The following RIN2 variants were observed in gnomAD, a reference collection of about 807,000 sequenced individuals.
RIN2 encodes Ras and Rab interactor 2.
A neutral mutation model predicts 78.0 loss-of-function variants in RIN2; 36 were observed. The observed-to-expected ratio is 0.46, with a 90% CI of 0.35 to 0.61. The LOEUF (loss-of-function observed/expected upper bound fraction) is 0.61. Among genes scored for constraint, RIN2 ranks in the 20% least tolerant of loss-of-function variants. RIN2 has a pLI of 0.00. For missense variants in RIN2, 1,087 were observed against 1,159.7 expected, an observed-to-expected ratio of 0.94 and a Z score of 0.91; for synonymous variants, 466 against 466.8, an observed-to-expected ratio of 1.00 and a Z score of 0.02.
intron 1 of RIN2, among the ~76,000 whole-genome samples, chr20:19,783,044 G>A (rs1483285477): frequency 6.6e-6 from 1 of 152,154 alleles, no homozygotes; most frequent in Non-Finnish European, 1.5e-5. Flanking sequence ...AGCAGCGGCC[G>A]CCTATGGTCA....
chr20:19,893,272 A>G (rs1443631763), intron 3 of RIN2, among the ~76,000 whole-genome samples: 2 of 152,194 alleles, frequency 1.3e-5, no homozygotes, highest in African/African-American at 4.8e-5. Flanking sequence ...ACTTCTCAGC[A>G]GATACCAGTG....
intron 9 of RIN2, among the ~76,000 whole-genome samples, chr20:19,987,029 C>T (rs186328399): frequency 4.8e-4 from 73 of 152,324 alleles, no homozygotes; most frequent in East Asian, 3.9e-3. Context: ...TTCATATAAA[C>T]GAAATGCTGT....
chr20:19,773,112 G>A lies in RIN2; in HGVS notation c.-163+14785G>A, dbSNP rs533447842. Among the ~76,000 whole-genome samples the A allele has an allele frequency of 4.6e-5, 7 of 152,262 alleles. No homozygotes were observed. In the East Asian group the frequency reaches 5.8e-4, roughly 13 times the overall value. The stretch of plus-strand genomic sequence containing the variant: ...GGGAAGGAGCTGTTCCAGGCCTCCC[G>A]GCTTCTGGAAGCCTCAAGCATGCCT... On this transcript the variant is annotated intron_variant, in intron 1 of 12. Transcript: ENST00000255006.
rs563797189 is a variant in RIN2, at chr20:19,829,285, G to A, written c.-37+29538G>A. On this transcript the variant is annotated intron_variant, in intron 2 of 12. Coordinates refer to ENST00000255006, the MANE Select transcript of RIN2 (RefSeq NM_018993.4). ...TTATGGAAACCCAAAGTTGTATGGCGTGCTTGCAAATTGGATTAACTTATT... is the reference window on the plus strand; with the variant it reads ...TTATGGAAACCCAAAGTTGTATGGCATGCTTGCAAATTGGATTAACTTATT... Among the ~76,000 whole-genome samples the A allele has an allele frequency of 5.3e-5, 8 of 152,228 alleles. No individual in the cohort carries two copies. In the East Asian group the frequency reaches 5.8e-4, roughly 11 times the overall value.
At chr20:19,768,952 C>T (rs1274084616) in intron 1 of RIN2, among the ~76,000 whole-genome samples, 2 of 141,794 alleles carry the variant, frequency 1.4e-5, no homozygotes, top group African/African-American at 2.7e-5. Flanking sequence ...GACCGAGTCT[C>T]GCTCTGTCAC....
intron 1 of RIN2, among the ~76,000 whole-genome samples, chr20:19,796,100 G>A (rs892585018): frequency 1.3e-5 from 2 of 149,382 alleles, no homozygotes; most frequent in Non-Finnish European, 3.0e-5. Flanking sequence ...AAAAAGAAAA[G>A]AAAAGAAAAG....
intron 2 of RIN2, among the ~76,000 whole-genome samples, chr20:19,829,362 A>G (rs946572230): frequency 1.3e-5 from 2 of 152,146 alleles, no homozygotes; most frequent in South Asian, 2.1e-4. Flanking sequence ...AAAAAGAAAA[A>G]AAAATGGATT....
intron 3 of RIN2, among the ~76,000 whole-genome samples, chr20:19,933,810 G>T (rs1281004168): frequency 6.6e-6 from 1 of 152,052 alleles, no homozygotes; most frequent in African/African-American, 2.4e-5. Context: ...AATTATTATT[G>T]TTGTTGTTAT....
At chr20:19,869,538 CA>C (rs1410052923) in intron 2 of RIN2, among the ~76,000 whole-genome samples, 2 of 152,186 alleles carry the variant, frequency 1.3e-5, no homozygotes, top group African/African-American at 4.8e-5. Flanking sequence ...CATGCCACTC[CA>C]TGAAGCCTCC....
intron 3 of RIN2, among the ~76,000 whole-genome samples, chr20:19,913,742 T>A (rs927048765): frequency 6.6e-6 from 1 of 152,208 alleles, no homozygotes; most frequent in African/African-American, 2.4e-5. Context: ...TTTATCCTTT[T>A]TGTAGCATAT....
At chr20:19,820,888 T>C (rs1192063209) in intron 2 of RIN2, among the ~76,000 whole-genome samples, 1 of 152,216 alleles carries the variant, frequency 6.6e-6, no homozygotes, top group African/African-American at 2.4e-5. Flanking sequence ...ATTTGCTGAC[T>C]TCCATGCGGT....
intron 2 of RIN2, among the ~76,000 whole-genome samples, chr20:19,844,859 T>C (rs1176032901): frequency 1.3e-5 from 2 of 152,028 alleles, no homozygotes; most frequent in African/African-American, 4.8e-5. Context: ...ACATTAGGTA[T>C]TTCTGCTAAT....
rs75113125 is a variant in RIN2, at chr20:19,886,282, G to A, written c.-36-3284G>A. The stretch of plus-strand genomic sequence containing the variant: ...ATGGGTTGGGGAGCCAGCCTCCAGC[G>A]GTCTCACATAGCAGGCAGGCAGTGC... On this transcript the variant is annotated intron_variant, in intron 2 of 12. Coordinates refer to ENST00000255006, the MANE Select transcript of RIN2 (RefSeq NM_018993.4). 0.039 allele frequency among the ~76,000 whole-genome samples: 5,930 copies of A among 152,240 alleles called. 145 individuals carry two copies. Among genetic ancestry groups the A allele is most frequent in the South Asian group, 0.087 (417 of 4,816 alleles).
intron 1 of RIN2, among the ~76,000 whole-genome samples, chr20:19,758,644 G>T (rs2033487028): frequency 6.6e-6 from 1 of 152,208 alleles, no homozygotes; most frequent in South Asian, 2.1e-4. Context: ...GTGAGGGACA[G>T]CTGGAGGGTG....
In RIN2 at chr20:19,800,054, GGTTA is replaced by G. The variant is rs2035191592; in HGVS notation, c.-37+311_-37+314del. On this transcript the variant is annotated intron_variant, in intron 2 of 12. Coordinates refer to ENST00000255006, the MANE Select transcript of RIN2 (RefSeq NM_018993.4). ...AAGCACAGCTTTAAGCACTTTAATG[GGTTA>G]GTTCATTCAATTATCACAACACCAC... Among the ~76,000 whole-genome samples, 5 of 152,222 alleles carry G rather than the reference GGTTA, an allele frequency of 3.3e-5. No homozygotes were observed. The East Asian group carries it at 9.7e-4, about 29-fold the overall frequency.
At chr20:19,980,044 C>CAACAA (rs2042396588) in intron 9 of RIN2, among the ~76,000 whole-genome samples, 1 of 72,704 alleles carries the variant, frequency 1.4e-5, no homozygotes, top group East Asian at 4.1e-4. Flanking sequence ...AACTCCATCT[C>CAACAA]AAAAAAAAAA....
chr20:19,982,207 A>G (rs547581423), intron 9 of RIN2, among the ~76,000 whole-genome samples: 1 of 152,228 alleles, frequency 6.6e-6, no homozygotes, highest in East Asian at 1.9e-4. Flanking sequence ...CCTGGTGGAG[A>G]CGCCACCCAG....
chr20:19,912,405 G>A (rs1049430862), intron 3 of RIN2, among the ~76,000 whole-genome samples: 3 of 151,864 alleles, frequency 2.0e-5, no homozygotes, highest in Admixed American at 2.0e-4. Context: ...GCTCCAGGAG[G>A]CCTGTTCCCA....
intron 2 of RIN2, among the ~76,000 whole-genome samples, chr20:19,879,361 G>T (rs142847556): frequency 6.6e-6 from 1 of 152,300 alleles, no homozygotes; most frequent in African/African-American, 2.4e-5. Context: ...AATTTCTGGA[G>T]TCTGGTTGTG....
Sources: allele counts gnomAD v4.1 joint callset (sites outside exome capture counted in the v4.1 genomes callset), GRCh38; gene constraint gnomAD v4.1.1; transcripts MANE v1.5; gene names NCBI Gene and HGNC (gene_info 2026-07-23, HGNC 2026-07-21).